The following DSCAML1 variants were observed in gnomAD, a reference collection of about 807,000 sequenced individuals.
DSCAML1 encodes the protein DS cell adhesion molecule like 1.
A neutral mutation model predicts 200.5 loss-of-function variants in DSCAML1; 38 were observed. That is an observed-to-expected ratio of 0.19 (90% CI 0.15 to 0.25). DSCAML1 has a LOEUF of 0.25. DSCAML1 is among the 10% of genes least tolerant of loss of function. DSCAML1 has a pLI of 1.00. For missense variants in DSCAML1, 2,223 were observed against 2,858.8 expected (o/e 0.78, Z 5.07); for synonymous variants, 1,215 against 1,165.0 (o/e 1.04, Z -0.87).
intron 3 of DSCAML1, among the ~76,000 whole-genome samples, chr11:117,670,351 C>T (rs1043105998): frequency 2.0e-4 from 31 of 152,020 alleles, no homozygotes; most frequent in African/African-American, 6.5e-4. Flanking sequence ...TCATTCAGAA[C>T]GAAATCCACT....
At chr11:117,628,210 GAGTTTCCCTGCC>G (rs1184417352) in intron 3 of DSCAML1, among the ~76,000 whole-genome samples, 3 of 152,196 alleles carry the variant, frequency 2.0e-5, no homozygotes, top group Non-Finnish European at 4.4e-5. Flanking sequence ...CCCCATCCAA[GAGTTTCCCTGCC>G]AGCACACCAG....
chr11:117,651,790 T>G (rs1030538126), intron 3 of DSCAML1, among the ~76,000 whole-genome samples: 2 of 151,984 alleles, frequency 1.3e-5, no homozygotes, highest in Non-Finnish European at 2.9e-5. Flanking sequence ...CAAAGTACTT[T>G]CTTGACATTA....
At chr11:117,695,178 A>C (rs2053565548) in intron 3 of DSCAML1, among the ~76,000 whole-genome samples, 1 of 152,244 alleles carries the variant, frequency 6.6e-6, no homozygotes, top group Non-Finnish European at 1.5e-5. Context: ...GCTACTGAGA[A>C]GGTAGACTCA....
intron 24 of DSCAML1, 102 bp from the exon 25 acceptor site, chr11:117,438,185 C>CA (rs1208271499): frequency 2.6e-6 from 3 of 1,165,914 alleles, no homozygotes; most frequent in Non-Finnish European, 3.6e-6. Context: ...AGGCAGGGGG[C>CA]AGAGTCAGGC....
At chr11:117,804,993 C>G (rs1362875655) in intron 1 of DSCAML1, among the ~76,000 whole-genome samples, 1 of 152,156 alleles carries the variant, frequency 6.6e-6, no homozygotes, top group Non-Finnish European at 1.5e-5. Flanking sequence ...CTGAGCAGCT[C>G]CAGTCCAGCG....
chr11:117,737,612 T>G (rs2054342303), intron 3 of DSCAML1, among the ~76,000 whole-genome samples: 1 of 152,332 alleles, frequency 6.6e-6, no homozygotes, highest in East Asian at 1.9e-4. Context: ...ATGTATATGT[T>G]TAAGGTGGTG....
intron 3 of DSCAML1, among the ~76,000 whole-genome samples, chr11:117,563,807 C>T (rs920333507): frequency 2.6e-5 from 4 of 152,152 alleles, no homozygotes; most frequent in Admixed American, 2.0e-4. Flanking sequence ...GGCAGATTTG[C>T]ACAACATACG....
chr11:117,512,503 C>T (rs1260229503), intron 8 of DSCAML1, among the ~76,000 whole-genome samples: 1 of 152,088 alleles, frequency 6.6e-6, no homozygotes, highest in Non-Finnish European at 1.5e-5. Context: ...GGTGGGGGCA[C>T]GTCCCAGAGC....
Position 117,428,390 on chromosome 11 carries a change from C to T in DSCAML1, c.6100G>A (p.Gly2034Arg), listed in dbSNP as rs202136721. The change falls in exon 33 of 33, where the codon GGG becomes AGG. Residue 2034 changes from glycine (G) to arginine (R), a missense_variant. Gly to Arg is a moderately radical substitution (Grantham distance 125). Coordinates refer to ENST00000651296, the MANE Select transcript of DSCAML1 (RefSeq NM_020693.4). The stretch of plus-strand genomic sequence containing the variant: ...CCCTGCTTCTGAGACCTCCCTACCC[C>T]CGATGTGCTCATCTCGAGAAGCGAG... ...RDSLLEMSTS[G>R]VGRSQKQGAG... is the part of the protein sequence containing the mutation. The T allele has an allele frequency of 8.2e-6, 13 of 1,584,872 alleles. No individual in the cohort carries two copies. Among genetic ancestry groups the T allele is most frequent in the Middle Eastern group, 1.7e-4 (1 of 5,954 alleles).
At chr11:117,666,778 T>A (rs573192944) in intron 3 of DSCAML1, among the ~76,000 whole-genome samples, 1 of 152,322 alleles carries the variant, frequency 6.6e-6, no homozygotes, top group South Asian at 2.1e-4. Flanking sequence ...TAAGCCTTGA[T>A]CTCTTCTTCT....
intron 3 of DSCAML1, among the ~76,000 whole-genome samples, chr11:117,610,716 T>C (rs2051671574): frequency 6.6e-6 from 1 of 151,924 alleles, no homozygotes; most frequent in African/African-American, 2.4e-5. Flanking sequence ...TTTATAATGA[T>C]TGCCCTGTAT....
At chr11:117,675,500 A>T (rs113753269) in intron 3 of DSCAML1, among the ~76,000 whole-genome samples, 774 of 68,118 alleles carry the variant, frequency 0.011, 11 homozygotes, top group African/African-American at 0.036. Context: ...TTTTTTTTTT[A>T]GAGACAGGGT....
intron 20 of DSCAML1, among the ~76,000 whole-genome samples, chr11:117,445,361 G>A (rs2048156188): frequency 6.6e-6 from 1 of 152,228 alleles, no homozygotes. Flanking sequence ...CCACCCTTGA[G>A]CCCTGGTGGT....
rs114523249 is a variant in DSCAML1, at chr11:117,589,183, C to T, written c.512-56661G>A. Among the ~76,000 whole-genome samples, 138 of 152,118 alleles carry T rather than the reference C, an allele frequency of 9.1e-4. 2 individuals are homozygous for T. The highest frequency in any genetic ancestry group is 3.3e-3 in the African/African-American group (135 of 41,396). On this transcript the variant is annotated intron_variant, in intron 3 of 32. Transcript: ENST00000651296. ...GAGGGGGCCTGTAAATAGAGAGAAG[C>T]AGATGACAGACATCACCACATATTA...
chr11:117,577,575 C>CA, intron 3 of DSCAML1, among the ~76,000 whole-genome samples: 1 of 118,170 alleles, frequency 8.5e-6, no homozygotes, highest in South Asian at 3.0e-4. Context: ...TCTTTCCTTT[C>CA]TTTTTTTTTT....
At chr11:117,550,665 TC>T (rs1260130480) in intron 3 of DSCAML1, among the ~76,000 whole-genome samples, 1 of 152,182 alleles carries the variant, frequency 6.6e-6, no homozygotes, top group Non-Finnish European at 1.5e-5. Context: ...ACGCACTGCC[TC>T]CCCACCTTGG....
intron 3 of DSCAML1, among the ~76,000 whole-genome samples, chr11:117,639,008 C>G (rs184469095): frequency 2.0e-4 from 30 of 152,132 alleles, no homozygotes; most frequent in Non-Finnish European, 4.3e-4. Context: ...GAATGAGAGT[C>G]GATTTCTACA....
chr11:117,470,500 AG>A (rs980188198), intron 15 of DSCAML1, among the ~76,000 whole-genome samples: 3 of 152,194 alleles, frequency 2.0e-5, no homozygotes, highest in Non-Finnish European at 4.4e-5. Flanking sequence ...GCATGAACCC[AG>A]GGGGTGGAGC....
At chr11:117,593,705 TTTC>T (rs2051305281) in intron 3 of DSCAML1, among the ~76,000 whole-genome samples, 1 of 135,546 alleles carries the variant, frequency 7.4e-6, no homozygotes, top group African/African-American at 3.2e-5. Context: ...ACTCACTATA[TTTC>T]TTGTTTTTTT....
Sources: gnomAD v4.1 joint callset for allele counts (sites outside exome capture counted in the v4.1 genomes callset) on GRCh38, gnomAD v4.1.1 for gene constraint, MANE v1.5 for transcripts, NCBI Gene and HGNC (gene_info 2026-07-23, HGNC 2026-07-21) for gene names.